Variants in RUNDC3B observed in about 807,000 individuals in gnomAD.
The protein encoded by RUNDC3B is RUN domain-containing protein 3B.
RUNDC3B carries 33 observed loss-of-function variants against 58.4 expected under a neutral mutation model. The ratio of observed to expected loss-of-function variants is 0.56; its 90% confidence interval spans 0.43 to 0.75. The LOEUF (loss-of-function observed/expected upper bound fraction) is 0.75. Ranked by LOEUF, RUNDC3B falls within the 30% of genes least tolerant of loss-of-function variation. The probability of loss-of-function intolerance (pLI) is 0.00; values close to 1 mark genes in which losing one functional copy is unlikely to be tolerated. For missense variants in RUNDC3B, 501 were observed against 535.7 expected, an observed-to-expected ratio of 0.94 and a Z score of 0.64; for synonymous variants, 193 against 195.2, an observed-to-expected ratio of 0.99 and a Z score of 0.10.
chr7:87,821,688 C>G (rs1837449169), intron 10 of RUNDC3B, among the ~76,000 whole-genome samples: 2 of 152,184 alleles, frequency 1.3e-5, no homozygotes, highest in South Asian at 2.1e-4. Context: ...GGTACCAAAA[C>G]AGAGATATAG....
intron 1 of RUNDC3B, among the ~76,000 whole-genome samples, chr7:87,638,895 G>A: frequency 6.6e-6 from 1 of 152,098 alleles, no homozygotes; most frequent in East Asian, 1.9e-4. Flanking sequence ...GCTCACACCT[G>A]TAATCCCAGC....
At chr7:87,651,093 G>A (rs1823526365) in intron 2 of RUNDC3B, among the ~76,000 whole-genome samples, 156 bp downstream of exon 2, 1 of 152,138 alleles carries the variant, frequency 6.6e-6, no homozygotes, top group Admixed American at 6.5e-5. Context: ...AAGAGCCTCT[G>A]TTCTCAGATT....
Position 87,759,261 on chromosome 7 carries a change from G to C in RUNDC3B, c.630-11320G>C, listed in dbSNP as rs933643378. Among the ~76,000 whole-genome samples, 3 of 151,962 alleles carry C rather than the reference G, an allele frequency of 2.0e-5. No individual in the cohort carries two copies. The East Asian group carries it at 5.8e-4, about 29-fold the overall frequency. On this transcript the variant is annotated intron_variant, in intron 6 of 10. Coordinates refer to ENST00000394654, the MANE Select transcript of RUNDC3B (RefSeq NM_001134405.2). ...ACAAATTTCCCATATTCTCATACGA[G>C]GGAGCTAAAAATTAAAATAGTTAAG... is the stretch of plus-strand genomic sequence containing the variant.
chr7:87,628,712 C>A lies in RUNDC3B; in HGVS notation c.-112C>A. On this transcript the variant is annotated 5_prime_UTR_variant, in exon 1 of 11. Transcript: ENST00000394654. ...CCCTTCCTCCCTCCAGGCTCCTTTC[C>A]TACATCCTTCCCGCGCCCCCACGGT... The A allele has an allele frequency of 1.6e-6, 1 of 640,278 alleles. No individual in the cohort carries two copies. Among genetic ancestry groups the A allele is most frequent in the Middle Eastern group, 4.8e-4 (1 of 2,104 alleles). 39.7% of individuals were successfully genotyped at this position (640,278 alleles called of 1,614,324 possible).
intron 3 of RUNDC3B, among the ~76,000 whole-genome samples, chr7:87,701,876 G>A (rs576298657): frequency 6.6e-6 from 1 of 152,140 alleles, no homozygotes; most frequent in Admixed American, 6.5e-5. Context: ...GGGCGCGGTG[G>A]CTCACGCCTG....
chr7:87,776,643 TAA>T, intron 7 of RUNDC3B, among the ~76,000 whole-genome samples: 1 of 152,086 alleles, frequency 6.6e-6, no homozygotes, highest in Admixed American at 6.6e-5. Flanking sequence ...CTTTAATTAC[TAA>T]TGTTTATGAA....
intron 1 of RUNDC3B, among the ~76,000 whole-genome samples, chr7:87,632,289 TTTTGAGC>T (rs887211607): frequency 1.8e-4 from 27 of 152,310 alleles, no homozygotes; most frequent in Non-Finnish European, 3.7e-4. Context: ...CAATATATAG[TTTTGAGC>T]TTTGAAAGTG....
At chr7:87,723,325 A>G (rs985555439) in intron 4 of RUNDC3B, among the ~76,000 whole-genome samples, 1 of 152,200 alleles carries the variant, frequency 6.6e-6, no homozygotes, top group African/African-American at 2.4e-5. Flanking sequence ...AATGGGTAAT[A>G]TTCAAAAAAT....
At chr7:87,768,964 C>A (rs1395755685) in intron 6 of RUNDC3B, among the ~76,000 whole-genome samples, 3 of 150,884 alleles carry the variant, frequency 2.0e-5, no homozygotes, top group Non-Finnish European at 3.0e-5. Context: ...TTTAGAAAAA[C>A]CATGTGTATT....
intron 4 of RUNDC3B, among the ~76,000 whole-genome samples, chr7:87,726,524 G>A (rs1584018374): frequency 6.6e-6 from 1 of 152,154 alleles, no homozygotes; most frequent in Non-Finnish European, 1.5e-5. Context: ...GTCAGGTAGT[G>A]TGATGCCTCC....
chr7:87,740,016 A>G (rs558047940), intron 5 of RUNDC3B, 136 bp downstream of exon 5: 92 of 430,596 alleles, frequency 2.1e-4, no homozygotes, highest in Non-Finnish European at 3.0e-4. Context: ...TCTCTTTCAA[A>G]TGACATCAGT....
chr7:87,763,912 C>T (rs1833834546), intron 6 of RUNDC3B, among the ~76,000 whole-genome samples: 1 of 151,686 alleles, frequency 6.6e-6, no homozygotes, highest in Non-Finnish European at 1.5e-5. Flanking sequence ...TAGTCAGGAG[C>T]CCAACAGATG....
At chr7:87,755,602 CATAA>C (rs1833322696) in intron 6 of RUNDC3B, among the ~76,000 whole-genome samples, 1 of 152,234 alleles carries the variant, frequency 6.6e-6, no homozygotes, top group Admixed American at 6.5e-5. Context: ...ATCACATAAA[CATAA>C]ATAAAGACAA....
At chr7:87,694,263 A>G (rs1236435417) in intron 2 of RUNDC3B, among the ~76,000 whole-genome samples, 1 of 152,150 alleles carries the variant, frequency 6.6e-6, no homozygotes, top group Non-Finnish European at 1.5e-5. Context: ...TGAATATTCC[A>G]GTCTCAGTAA....
At chr7:87,770,430 A>T in intron 6 of RUNDC3B, 151 bp from the exon 7 acceptor site, 1 of 674,060 alleles carries the variant, frequency 1.5e-6, no homozygotes. Context: ...TTTTTTTTTC[A>T]GGAAGCTTAA....
At chr7:87,641,899 A>G (rs1326714979) in intron 1 of RUNDC3B, among the ~76,000 whole-genome samples, 1 of 152,176 alleles carries the variant, frequency 6.6e-6, no homozygotes, top group African/African-American at 2.4e-5. Flanking sequence ...GTATTTACAG[A>G]ACCAAATCTT....
intron 7 of RUNDC3B, among the ~76,000 whole-genome samples, chr7:87,776,635 T>TA: frequency 6.6e-6 from 1 of 152,048 alleles, no homozygotes; most frequent in Admixed American, 6.6e-5. Flanking sequence ...TGAGTATTCT[T>TA]TAATTACTAA....
intron 6 of RUNDC3B, among the ~76,000 whole-genome samples, chr7:87,767,066 C>T (rs979219295): frequency 1.3e-5 from 2 of 151,994 alleles, no homozygotes; most frequent in Non-Finnish European, 1.5e-5. Flanking sequence ...ATTCCTTCAG[C>T]GAATTTTTCA....
chr7:87,747,292 G>C (rs6969859), intron 6 of RUNDC3B, among the ~76,000 whole-genome samples: 1,559 of 151,688 alleles, frequency 0.01, 28 homozygotes, highest in African/African-American at 0.035. Flanking sequence ...GGCTTCTACT[G>C]GGGGGGTGTG....
Sources: gnomAD v4.1 joint callset for allele counts (sites outside exome capture counted in the v4.1 genomes callset) on GRCh38, gnomAD v4.1.1 for gene constraint, MANE v1.5 for transcripts, NCBI Gene and HGNC (gene_info 2026-07-23, HGNC 2026-07-21) for gene names.